PKIB: variants seen among roughly 807,000 people sequenced by gnomAD.
PKIB encodes PKI-beta.
A neutral mutation model predicts 4.5 loss-of-function variants in PKIB; 2 were observed. The ratio of observed to expected loss-of-function variants is 0.44; its 90% CI spans 0.18 to 1.39. The LOEUF is 1.39. PKIB is among the 40% of genes most tolerant of loss of function. The pLI, the probability that PKIB is intolerant of heterozygous loss-of-function variation, is 0.27. For synonymous variants in PKIB, 38 were observed against 36.0 expected, an observed-to-expected ratio of 1.06 and a Z score of -0.20; for missense variants, 94 against 92.6, an observed-to-expected ratio of 1.02 and a Z score of -0.06.
intron 1 of PKIB, among the ~76,000 whole-genome samples, chr6:122,610,755 G>A (rs1447383131): frequency 1.3e-5 from 2 of 152,356 alleles, no homozygotes; most frequent in East Asian, 3.9e-4. Context: ...AGGGTACTTA[G>A]AGAGTGAAAA....
At chr6:122,682,764 C>T (rs1777950365) in intron 3 of PKIB, among the ~76,000 whole-genome samples, 1 of 152,170 alleles carries the variant, frequency 6.6e-6, no homozygotes, top group African/African-American at 2.4e-5. Flanking sequence ...GAGCCTGCTA[C>T]AGTTCTCTCT....
At chr6:122,648,365 C>G (rs967242443) in intron 2 of PKIB, among the ~76,000 whole-genome samples, 11 of 152,198 alleles carry the variant, frequency 7.2e-5, no homozygotes, top group Non-Finnish European at 1.5e-4. Flanking sequence ...GGAGATCAAG[C>G]ACCACATATT....
intron 2 of PKIB, among the ~76,000 whole-genome samples, chr6:122,655,366 G>A (rs1479366377): frequency 6.6e-6 from 1 of 152,168 alleles, no homozygotes; most frequent in African/African-American, 2.4e-5. Context: ...TAGGTGACTA[G>A]GCCATGCAAG....
At chr6:122,483,277 A>G (rs895575202) in intron 2 of PKIB, 5 of 152,210 alleles carry the variant, frequency 3.3e-5, no homozygotes, top group Non-Finnish European at 7.3e-5. Flanking sequence ...AAATACATTA[A>G]TTTATATCAA....
At chr6:122,724,503 G>A (rs929151702) in intron 4 of PKIB, among the ~76,000 whole-genome samples, 4 of 152,066 alleles carry the variant, frequency 2.6e-5, no homozygotes, top group Admixed American at 1.3e-4. Flanking sequence ...TTTTCATTTT[G>A]CACTGGGCAC....
At chr6:122,516,902 G>A (rs1359487606) in intron 2 of PKIB, among the ~76,000 whole-genome samples, 2 of 152,078 alleles carry the variant, frequency 1.3e-5, no homozygotes, top group East Asian at 3.9e-4. Context: ...GCAACATGTG[G>A]CATTTAAAAG....
At chr6:122,682,689 G>C (rs968283055) in intron 3 of PKIB, among the ~76,000 whole-genome samples, 1 of 152,026 alleles carries the variant, frequency 6.6e-6, no homozygotes, top group Non-Finnish European at 1.5e-5. Context: ...ATCACCTCTC[G>C]TCTGCTGCTC....
intron 2 of PKIB, among the ~76,000 whole-genome samples, chr6:122,494,745 C>CA (rs1164708957): frequency 6.6e-6 from 1 of 152,208 alleles, no homozygotes; most frequent in Non-Finnish European, 1.5e-5. Context: ...CCAAAAAGAA[C>CA]AAACAGAAGT....
chr6:122,681,166 T>A, intron 3 of PKIB, among the ~76,000 whole-genome samples: 1 of 152,258 alleles, frequency 6.6e-6, no homozygotes, highest in East Asian at 1.9e-4. Context: ...ATTTTTTTTT[T>A]ATCTAAGACT....
At chr6:122,502,258 G>C (rs958317256) in intron 2 of PKIB, among the ~76,000 whole-genome samples, 3 of 151,872 alleles carry the variant, frequency 2.0e-5, no homozygotes, top group Admixed American at 1.3e-4. Flanking sequence ...CCATTACATA[G>C]TTCCAAAGTT....
intron 2 of PKIB, among the ~76,000 whole-genome samples, chr6:122,567,122 G>C (rs536164557): frequency 6.6e-6 from 1 of 152,270 alleles, no homozygotes; most frequent in African/African-American, 2.4e-5. Context: ...ATATTTCTCA[G>C]ACTATACCAT....
intron 2 of PKIB, among the ~76,000 whole-genome samples, chr6:122,522,148 CAAAA>C (rs34871200): frequency 6.7e-6 from 1 of 149,308 alleles, no homozygotes; most frequent in African/African-American, 2.5e-5. Flanking sequence ...AAGTCATTAG[CAAAA>C]AAAAAACATA....
chr6:122,521,269 GCTT>G (rs1776938173), intron 2 of PKIB, among the ~76,000 whole-genome samples: 1 of 152,168 alleles, frequency 6.6e-6, no homozygotes, highest in African/African-American at 2.4e-5. Context: ...GTGATTTGGA[GCTT>G]CTTCTTGGTC....
At chr6:122,606,541 C>T (rs1774542079), upstream of PKIB, among the ~76,000 whole-genome samples, 1 of 130,544 alleles carries the variant, frequency 7.7e-6, no homozygotes, top group South Asian at 2.4e-4. Flanking sequence ...CATTGCACTC[C>T]AGCCTGGGTG....
intron 2 of PKIB, among the ~76,000 whole-genome samples, chr6:122,576,660 C>T (rs1234802105): frequency 5.1e-5 from 4 of 79,020 alleles, no homozygotes; most frequent in African/African-American, 2.3e-4. Context: ...CAGAGCGAGA[C>T]TCCATCTCAA....
Position 122,651,043 on chromosome 6 carries a change from C to T in PKIB, c.-76+17676C>T, listed in dbSNP as rs117744481. On this transcript the variant is annotated intron_variant, in intron 2 of 4. Coordinates refer to ENST00000368452, the MANE Select transcript of PKIB (RefSeq NM_181795.3). The stretch of plus-strand genomic sequence containing the variant: ...TATCAATAAATTCATCCTAATTCAA[C>T]TTTATGGGAATTTTACTATGGTGGA... 7.0e-3 allele frequency among the ~76,000 whole-genome samples: 1,070 copies of T among 152,222 alleles called. 10 individuals are homozygous for T. The highest frequency in any genetic ancestry group is 0.012 in the Non-Finnish European group (836 of 68,026).
Position 122,521,337 on chromosome 6 carries a change from C to T in PKIB, c.-248+43398C>T, listed in dbSNP as rs117216679. Among the ~76,000 whole-genome samples the T allele has an allele frequency of 4.7e-3, 719 of 152,126 alleles. 7 individuals are homozygous for T. Among genetic ancestry groups the T allele is most frequent in the Middle Eastern group, 6.8e-3 (2 of 294 alleles). The stretch of plus-strand genomic sequence containing the variant: ...TGTATAAAATTCACTTTTTGTCACA[C>T]GACACAATCTGATTGAGAAATGGTT... On this transcript the variant is annotated intron_variant, in intron 2 of 6. Coordinates refer to the PKIB transcript ENST00000392491.
At chr6:122,670,409 G>A (rs965946368) in intron 2 of PKIB, among the ~76,000 whole-genome samples, 1 of 152,018 alleles carries the variant, frequency 6.6e-6, no homozygotes, top group African/African-American at 2.4e-5. Context: ...CCATTGCCAA[G>A]GCTATTTCTA....
chr6:122,493,894 T>G (rs1271950873), intron 2 of PKIB, among the ~76,000 whole-genome samples: 1 of 152,100 alleles, frequency 6.6e-6, no homozygotes, highest in Non-Finnish European at 1.5e-5. Context: ...GTTCTTGCAG[T>G]CATTTATCTA....
Sources: gnomAD v4.1 joint callset for allele counts (sites outside exome capture counted in the v4.1 genomes callset) on GRCh38, gnomAD v4.1.1 for gene constraint, MANE v1.5 for transcripts, NCBI Gene and HGNC (gene_info 2026-07-23, HGNC 2026-07-21) for gene names.